Variants in PHF14 observed in about 807,000 individuals in gnomAD.
PHF14 encodes the protein PHD finger protein 14.
Under a neutral mutation model 117.9 loss-of-function variants are expected in PHF14, and 55 were observed. That is an observed-to-expected ratio of 0.47 (90% CI 0.38 to 0.58). The LOEUF is 0.58. Ranked by LOEUF, PHF14 falls within the 20% of genes least tolerant of loss-of-function variation. The pLI is 0.00. For missense variants in PHF14, 978 were observed against 1,122.2 expected, an observed-to-expected ratio of 0.87 and a Z score of 1.84; for synonymous variants, 409 against 368.6, an observed-to-expected ratio of 1.11 and a Z score of -1.26.
At chr7:11,128,954 A>G (rs1321019322) in intron 17 of PHF14, among the ~76,000 whole-genome samples, 1 of 151,932 alleles carries the variant, frequency 6.6e-6, no homozygotes, top group Non-Finnish European at 1.5e-5. Flanking sequence ...GACATTTGGT[A>G]GACTTTTTTT....
At chr7:11,037,138 A>G (rs200885524) in intron 10 of PHF14, 47 bp downstream of exon 10, 5 of 1,418,366 alleles carry the variant, frequency 3.5e-6, no homozygotes, top group Non-Finnish European at 4.7e-6. Context: ...GATCTTACTG[A>G]TGATTTCTTT....
intron 17 of PHF14, among the ~76,000 whole-genome samples, chr7:11,147,197 G>A (rs1788572088): frequency 6.6e-6 from 1 of 152,144 alleles, no homozygotes; most frequent in South Asian, 2.1e-4. Flanking sequence ...AGAGCCATAT[G>A]TGTTGTTTGG....
chr7:11,104,097 C>T (rs2128341962), intron 16 of PHF14: 3 of 984,724 alleles, frequency 3.0e-6, no homozygotes, highest in South Asian at 4.7e-5. Context: ...TGAGAAATTA[C>T]TCGCAGTTGC....
At chr7:10,997,935 C>T (rs1782719648) in intron 4 of PHF14, among the ~76,000 whole-genome samples, 3 of 152,136 alleles carry the variant, frequency 2.0e-5, no homozygotes, top group Admixed American at 2.0e-4. Context: ...TAGGTGGGGG[C>T]ATTCTAAGAG....
chr7:11,071,777 G>T (rs982715107), intron 16 of PHF14, among the ~76,000 whole-genome samples: 21 of 152,032 alleles, frequency 1.4e-4, no homozygotes, highest in Admixed American at 9.2e-4. Flanking sequence ...ATTAGATTTT[G>T]TTTCCACAAC....
At chr7:11,123,611 C>G (rs1279548096) in intron 17 of PHF14, among the ~76,000 whole-genome samples, 1 of 152,110 alleles carries the variant, frequency 6.6e-6, no homozygotes, top group Non-Finnish European at 1.5e-5. Context: ...GAAACCATAT[C>G]TCTACTAAAA....
chr7:11,023,064 C>G (rs1165647900), intron 6 of PHF14, 85 bp downstream of exon 6: 2 of 619,438 alleles, frequency 3.2e-6, no homozygotes, highest in Non-Finnish European at 5.6e-6. Flanking sequence ...ATTATGTTGA[C>G]TGCAGAAATG....
intron 7 of PHF14, among the ~76,000 whole-genome samples, chr7:11,030,160 A>G (rs1784073323): frequency 6.6e-6 from 1 of 150,996 alleles, no homozygotes; most frequent in African/African-American, 2.4e-5. Flanking sequence ...CTCAGCTACT[A>G]GGTAGACATA....
chr7:11,161,668 CTA>C (rs1789029269), intron 17 of PHF14, among the ~76,000 whole-genome samples: 1 of 103,538 alleles, frequency 9.7e-6, no homozygotes, highest in Non-Finnish European at 2.0e-5. Flanking sequence ...GGTAAAAACT[CTA>C]AATAAAAATA....
chr7:10,978,575 T>A (rs1442036095), intron 2 of PHF14, among the ~76,000 whole-genome samples: 5 of 152,172 alleles, frequency 3.3e-5, no homozygotes, highest in Non-Finnish European at 7.3e-5. Context: ...AAGGTCAAAT[T>A]GTGGCTGTAT....
Position 11,075,363 on chromosome 7 carries a change from G to A in PHF14, c.2654+13278G>A, listed in dbSNP as rs185236140. On this transcript the variant is annotated intron_variant, in intron 16 of 17. Transcript: ENST00000634607. Reference sequence around the variant, plus strand: ...AGAAAAGAGGTTTATTTGGCCCACGGATCTGCCGGCTGTACAAGCAGCATG... The same window carrying A: ...AGAAAAGAGGTTTATTTGGCCCACGAATCTGCCGGCTGTACAAGCAGCATG... Among the ~76,000 whole-genome samples, 23 of 152,232 alleles carry A rather than the reference G, an allele frequency of 1.5e-4. 1 individual carries two copies. The highest frequency in any genetic ancestry group is 5.5e-4 in the African/African-American group (23 of 41,524).
chr7:11,071,106 A>G (rs1181658814), intron 16 of PHF14, among the ~76,000 whole-genome samples: 1 of 152,242 alleles, frequency 6.6e-6, no homozygotes, highest in Non-Finnish European at 1.5e-5. Flanking sequence ...GGAGATCTCA[A>G]CTAGTTTAAG....
intron 5 of PHF14, among the ~76,000 whole-genome samples, chr7:11,021,803 AT>A (rs1432578597): frequency 1.3e-5 from 2 of 152,242 alleles, no homozygotes; most frequent in African/African-American, 4.8e-5. Context: ...AAAAAAGATA[AT>A]TTTTTAAAAA....
intron 16 of PHF14, among the ~76,000 whole-genome samples, chr7:11,066,490 C>A (rs987252215): frequency 2.0e-5 from 3 of 152,102 alleles, no homozygotes; most frequent in Admixed American, 6.5e-5. Context: ...TCTAATAATT[C>A]TTTGCTTAGG....
At chr7:11,151,189 C>T (rs2128354044) in intron 17 of PHF14, among the ~76,000 whole-genome samples, 1 of 152,214 alleles carries the variant, frequency 6.6e-6, no homozygotes, top group South Asian at 2.1e-4. Context: ...TTTTATTGAA[C>T]AATGTGGTTG....
At chr7:11,126,404 A>C (rs1005329304) in intron 17 of PHF14, among the ~76,000 whole-genome samples, 1 of 152,076 alleles carries the variant, frequency 6.6e-6, no homozygotes, top group Non-Finnish European at 1.5e-5. Context: ...TAAAGGATAG[A>C]TATTTCTTTA....
chr7:11,108,333 A>C (rs367972495), intron 16 of PHF14: 1 of 151,664 alleles, frequency 6.6e-6, no homozygotes, highest in Non-Finnish European at 1.5e-5. Flanking sequence ...TGACTTCAAG[A>C]TTGGATTCTT....
intron 14 of PHF14, among the ~76,000 whole-genome samples, chr7:11,060,833 A>G (rs1255986904): frequency 6.6e-6 from 1 of 152,188 alleles, no homozygotes; most frequent in African/African-American, 2.4e-5. Flanking sequence ...TGAATGACTA[A>G]TTTAGTTGAC....
At chr7:11,144,291 G>T (rs1788481433) in intron 17 of PHF14, among the ~76,000 whole-genome samples, 1 of 151,804 alleles carries the variant, frequency 6.6e-6, no homozygotes, top group African/African-American at 2.4e-5. Context: ...CAGCCATTAT[G>T]GAAAACAGTA....
Sources: gnomAD v4.1 joint callset for allele counts (sites outside exome capture counted in the v4.1 genomes callset) on GRCh38, gnomAD v4.1.1 for gene constraint, MANE v1.5 for transcripts, NCBI Gene and HGNC (gene_info 2026-07-23, HGNC 2026-07-21) for gene names.